Variants in RAB38 observed in about 807,000 individuals in gnomAD.
RAB38 encodes the protein RAB38, member RAS oncogene family.
A neutral mutation model predicts 18.4 loss-of-function variants in RAB38; 15 were observed. The ratio of observed to expected loss-of-function variants is 0.82; its 90% CI spans 0.55 to 1.26. The LOEUF (loss-of-function observed/expected upper bound fraction) is 1.26. RAB38 is among the 50% of genes most tolerant of loss of function. RAB38 has a pLI of 0.00. For missense variants in RAB38, 294 were observed against 267.4 expected (o/e 1.10, Z -0.69); for synonymous variants, 101 against 104.4 (o/e 0.97, Z 0.20).
the RAB38 span, among the ~76,000 whole-genome samples, chr11:87,863,193 G>T: frequency 2.0e-5 from 3 of 151,728 alleles, no homozygotes; most frequent in African/African-American, 7.3e-5. Flanking sequence ...TCAAATATCA[G>T]TTCTGCAAAA....
At chr11:87,884,733 T>C in the RAB38 span, among the ~76,000 whole-genome samples, 1 of 151,954 alleles carries the variant, frequency 6.6e-6, no homozygotes, top group East Asian at 2.0e-4. Flanking sequence ...TCAAAATCAG[T>C]TGAGGGACTC....
In RAB38 at chr11:88,152,050, A is replaced by G. The variant is rs567955979; in HGVS notation, c.203-2095T>C. 2.0e-5 allele frequency among the ~76,000 whole-genome samples: 3 copies of G among 152,326 alleles called. No homozygotes were observed. In the East Asian group the frequency reaches 5.8e-4, roughly 29 times the overall value. ...CCAGATGAACTTTTAGTTTTCCCAA[A>G]TAAGTTTTAAATTTCTTTTTTTCTT... On this transcript the variant is annotated intron_variant, in intron 1 of 2. Coordinates refer to ENST00000243662, the MANE Select transcript of RAB38 (RefSeq NM_022337.3).
chr11:87,811,859 G>A, the RAB38 span, among the ~76,000 whole-genome samples: 2 of 152,142 alleles, frequency 1.3e-5, no homozygotes, highest in South Asian at 2.1e-4. Context: ...ATCTTTTATG[G>A]TTGAAAAGTG....
the RAB38 span, among the ~76,000 whole-genome samples, chr11:87,838,281 A>T: frequency 1.2e-3 from 180 of 151,622 alleles, 1 homozygote; most frequent in Non-Finnish European, 1.2e-3. Flanking sequence ...CGCCCAGCTA[A>T]TTTTTTGTAT....
At chr11:87,864,200 C>A in the RAB38 span, among the ~76,000 whole-genome samples, 2 of 151,716 alleles carry the variant, frequency 1.3e-5, no homozygotes, top group Middle Eastern at 6.8e-3. Context: ...GAAAACATTA[C>A]CAAAACTTCT....
At chr11:88,074,025 T>C in the RAB38 span, among the ~76,000 whole-genome samples, 1 of 146,418 alleles carries the variant, frequency 6.8e-6, no homozygotes, top group African/African-American at 2.5e-5. Flanking sequence ...GAAGATCGCC[T>C]ACAATATATA....
chr11:87,941,359 T>G, the RAB38 span, among the ~76,000 whole-genome samples: 3 of 151,076 alleles, frequency 2.0e-5, no homozygotes, highest in Non-Finnish European at 4.4e-5. Flanking sequence ...CTCATCGCAG[T>G]CTGTCTGGAT....
At chr11:87,832,381 G>A in the RAB38 span, among the ~76,000 whole-genome samples, 1 of 152,106 alleles carries the variant, frequency 6.6e-6, no homozygotes, top group South Asian at 2.1e-4. Context: ...CTGAAGTCCG[G>A]ACCGGCTCAA....
chr11:87,874,261 A>G, the RAB38 span, among the ~76,000 whole-genome samples: 7 of 151,476 alleles, frequency 4.6e-5, no homozygotes, highest in Non-Finnish European at 1.5e-5. Context: ...TTCACTTATT[A>G]AAATACTGAT....
At chr11:88,027,357 G>T in the RAB38 span, among the ~76,000 whole-genome samples, 3 of 152,282 alleles carry the variant, frequency 2.0e-5, no homozygotes, top group African/African-American at 7.2e-5. Context: ...ACTAAGGAGT[G>T]CCAGACAGTG....
chr11:88,110,191 A>G (rs185469935), downstream of RAB38, among the ~76,000 whole-genome samples: 4 of 152,310 alleles, frequency 2.6e-5, no homozygotes, highest in Admixed American at 2.6e-4. Flanking sequence ...TGAAGCCATA[A>G]AAAAGGATAG....
the RAB38 span, among the ~76,000 whole-genome samples, chr11:88,012,086 G>A: frequency 3.4e-3 from 517 of 152,254 alleles, 2 homozygotes; most frequent in African/African-American, 0.012. Flanking sequence ...CATGAGTGGG[G>A]TCCAGTCACT....
At chr11:87,868,578 GGAGAGAGAGAGAGA>G in the RAB38 span, among the ~76,000 whole-genome samples, 460 of 59,242 alleles carry the variant, frequency 7.8e-3, 3 homozygotes, top group African/African-American at 0.025. Flanking sequence ...AAGGAGTGAG[GGAGAGAGAGAGAGA>G]GAGAGAGAGA....
chr11:88,163,411 C>T (rs914470267), intron 1 of RAB38, among the ~76,000 whole-genome samples: 5 of 152,116 alleles, frequency 3.3e-5, no homozygotes, highest in African/African-American at 1.2e-4. Context: ...GCCTACTGAA[C>T]TTGCCATTTT....
the RAB38 span, among the ~76,000 whole-genome samples, chr11:87,825,874 T>G: frequency 6.6e-5 from 10 of 152,102 alleles, no homozygotes; most frequent in Admixed American, 3.9e-4. Flanking sequence ...ACAGTTAACT[T>G]CAGAGGACTA....
the RAB38 span, among the ~76,000 whole-genome samples, chr11:87,952,170 A>T: frequency 2.0e-5 from 3 of 152,000 alleles, no homozygotes; most frequent in Non-Finnish European, 2.9e-5. Flanking sequence ...TGGCCAGAGG[A>T]GCTGGGGGGT....
chr11:88,138,735 C>T (rs1422565035), intron 2 of RAB38, among the ~76,000 whole-genome samples: 2 of 151,790 alleles, frequency 1.3e-5, no homozygotes, highest in Non-Finnish European at 2.9e-5. Context: ...TACTACAAGA[C>T]CTGTTAAACA....
At chr11:87,928,992 G>A in the RAB38 span, among the ~76,000 whole-genome samples, 1 of 152,048 alleles carries the variant, frequency 6.6e-6, no homozygotes, top group South Asian at 2.1e-4. Context: ...GTGTATACCT[G>A]TAATTTCAGC....
chr11:87,967,469 C>T, the RAB38 span, among the ~76,000 whole-genome samples: 1 of 152,058 alleles, frequency 6.6e-6, no homozygotes, highest in Non-Finnish European at 1.5e-5. Flanking sequence ...AAAATATCTT[C>T]ATGAAAGTAA....
Sources: gnomAD v4.1 joint callset for allele counts (sites outside exome capture counted in the v4.1 genomes callset) on GRCh38, gnomAD v4.1.1 for gene constraint, MANE v1.5 for transcripts, NCBI Gene and HGNC (gene_info 2026-07-23, HGNC 2026-07-21) for gene names.